Variants in RTN4RL1 observed in about 807,000 individuals in gnomAD.
RTN4RL1 encodes reticulon 4 receptor like 1, also known as reticulon-4 receptor-like 1.
Under a neutral mutation model 25.6 loss-of-function variants are expected in RTN4RL1, and 7 were observed. That is an observed-to-expected ratio of 0.27 (90% confidence interval 0.16 to 0.51). The LOEUF (loss-of-function observed/expected upper bound fraction) is 0.51. Ranked by LOEUF, RTN4RL1 falls within the 20% of genes least tolerant of loss-of-function variation. The pLI, the probability that RTN4RL1 is intolerant of heterozygous loss-of-function variation, is 0.97. For synonymous variants in RTN4RL1, 297 were observed against 288.2 expected, an observed-to-expected ratio of 1.03 and a Z score of -0.31; for missense variants, 500 against 615.6, an observed-to-expected ratio of 0.81 and a Z score of 1.99.
rs1303789919 is a variant in RTN4RL1 at position 1,935,517 on chromosome 17, G to A, written c.*979C>T. The A allele has an allele frequency of 7.1e-6, 7 of 984,816 alleles. No individual in the cohort carries two copies. In the African/African-American group the frequency reaches 1.2e-4, roughly 17 times the overall value. 61.0% of individuals were successfully genotyped at this position (984,816 alleles called of 1,614,324 possible). A position where few individuals can be genotyped will look rare whatever the true frequency, so the allele number is the denominator to read the frequency against. ...CCGTCCCGCCGACACCTTGCCCCAG[G>A]CCCTTGGCAAGGCCAGGTCCCTTGG... On this transcript the variant is annotated 3_prime_UTR_variant, in exon 2 of 2. Transcript: ENST00000331238.
At chr17:1,955,913 A>G (rs1321471301) in intron 1 of RTN4RL1, among the ~76,000 whole-genome samples, 1 of 152,174 alleles carries the variant, frequency 6.6e-6, no homozygotes, top group Non-Finnish European at 1.5e-5. Context: ...TGTGGAAAAC[A>G]TGAAAAGTAT....
chr17:1,961,773 CAAAAAAAAAAAA>C (rs1163170575), intron 1 of RTN4RL1, among the ~76,000 whole-genome samples: 3 of 55,578 alleles, frequency 5.4e-5, no homozygotes, highest in East Asian at 5.3e-4. Flanking sequence ...ACTAAAAATA[CAAAAAAAAAAAA>C]AAAAAAAAAA....
intron 1 of RTN4RL1, among the ~76,000 whole-genome samples, chr17:2,002,004 ATT>A (rs11457997): frequency 6.9e-6 from 1 of 145,822 alleles, no homozygotes. Flanking sequence ...TGCTTAAAGG[ATT>A]TTTTTTTTTT....
At chr17:1,950,028 C>T (rs952280334) in intron 1 of RTN4RL1, among the ~76,000 whole-genome samples, 5 of 152,186 alleles carry the variant, frequency 3.3e-5, no homozygotes, top group Non-Finnish European at 5.9e-5. Flanking sequence ...AGCCAGGCCT[C>T]GTATGGCCTG....
chr17:1,948,111 CAT>C lies in RTN4RL1; in HGVS notation c.14-10305_14-10304del, dbSNP rs1344689020. On this transcript the variant is annotated intron_variant, in intron 1 of 1. Transcript: ENST00000331238. ...CCCAACCCGCCGCAGAAAGACCTGA[CAT>C]ATCAGATGCCGAGAAGGGGCTTTAG... 5.3e-5 allele frequency among the ~76,000 whole-genome samples: 8 copies of C among 152,328 alleles called. No individual in the cohort carries two copies. In the East Asian group the frequency reaches 1.3e-3, roughly 26 times the overall value.
rs746529932 is a variant in RTN4RL1, at chr17:1,936,863, G to A, written c.959C>T (p.Thr320Ile). Residue 320 changes from threonine (T) to isoleucine (I), a missense_variant, in exon 2 of 2, where the codon ACC becomes ATC. Physicochemically the swap from Thr to Ile is moderately conservative, Grantham distance 89. This residue lies in a region of RTN4RL1 where 268 missense variants were observed against 274.5 expected (regional missense o/e 0.98). Transcript: ENST00000331238. ...TTCCTTGCGGGCGGCCCTGTCGGTG[G>A]TGGTGAGCGTGTGTGACTTGATCTG... ...PHQIKSHTLT[T>I]TDRAARKEHH... 1.3e-5 allele frequency: 20 copies of A among 1,593,700 alleles called. No individual in the cohort carries two copies. Among genetic ancestry groups the A allele is most frequent in the Non-Finnish European group, 1.2e-5 (14 of 1,169,786 alleles).
Position 1,998,055 on chromosome 17 carries a change from G to T in RTN4RL1, c.13+26798C>A, listed in dbSNP as rs574988827. On this transcript the variant is annotated intron_variant, in intron 1 of 1. Transcript: ENST00000331238. This position sits in a 1 kb window ranked among gnomAD's most constrained non-coding sequence, Gnocchi z 4.9. ...CACCCCCACCCCCGCCTCCGCCCCA[G>T]GCCGCGATCGATCCCGGCCTCTCCC... Among the ~76,000 whole-genome samples the T allele has an allele frequency of 1.5e-3, 224 of 152,094 alleles. No homozygotes were observed. Among genetic ancestry groups the T allele is most frequent in the African/African-American group, 5.3e-3 (221 of 41,506 alleles).
intron 1 of RTN4RL1, among the ~76,000 whole-genome samples, chr17:2,007,569 T>A (rs991427904): frequency 3.3e-5 from 5 of 152,174 alleles, no homozygotes; most frequent in Admixed American, 1.3e-4. Flanking sequence ...TGCCAGATGC[T>A]GGCTGTGGCA....
intron 1 of RTN4RL1, chr17:2,020,335 G>A (rs1317453467): frequency 1.3e-5 from 2 of 152,208 alleles, no homozygotes; most frequent in Admixed American, 6.5e-5. Flanking sequence ...CTGGGGTTAA[G>A]GGCAGCTACA....
At chr17:2,022,374 A>C (rs891118792) in intron 1 of RTN4RL1, among the ~76,000 whole-genome samples, 5 of 151,414 alleles carry the variant, frequency 3.3e-5, no homozygotes, top group Non-Finnish European at 7.4e-5. Context: ...CTGGCCTCGA[A>C]CTCCTGGTCT....
At chr17:1,943,570 G>T (rs1420751591) in intron 1 of RTN4RL1, among the ~76,000 whole-genome samples, 1 of 152,198 alleles carries the variant, frequency 6.6e-6, no homozygotes, top group East Asian at 1.9e-4. Flanking sequence ...CAGATTGGCA[G>T]ATCCTCCTCT....
chr17:1,975,223 A>G (rs2066837860), intron 1 of RTN4RL1, among the ~76,000 whole-genome samples: 1 of 152,222 alleles, frequency 6.6e-6, no homozygotes, highest in Admixed American at 6.5e-5. Context: ...TCTTATTAGC[A>G]TCTTTACCTA....
At chr17:2,001,751 C>A (rs1416715800) in intron 1 of RTN4RL1, among the ~76,000 whole-genome samples, 1 of 152,210 alleles carries the variant, frequency 6.6e-6, no homozygotes, top group East Asian at 1.9e-4. Context: ...TCTCGAGCAG[C>A]CCCTCCTCAA....
In RTN4RL1 at chr17:2,025,015, C is replaced by CTGCGGG; in HGVS notation, c.-151_-150insCCCGCA. 1 of 763,430 alleles carries CTGCGGG rather than the reference C, an allele frequency of 1.3e-6. No homozygotes were observed. The highest frequency in any genetic ancestry group is 2.0e-6 in the Non-Finnish European group (1 of 493,582). The allele number at this position is 763,430 out of a possible 1,614,324, so 47.3% of individuals were successfully genotyped here. A position where few individuals can be genotyped will look rare whatever the true frequency, so the allele number is the denominator to read the frequency against. ...CCGCTCGTGCCCGGTGGCCCGGCCCCGCAGGGGCATGGTGAGCTCCAGCCC... is the reference window on the plus strand; with the variant it reads ...CCGCTCGTGCCCGGTGGCCCGGCCCCTGCGGGGCAGGGGCATGGTGAGCTCCAGCCC... On this transcript the variant is annotated 5_prime_UTR_variant, in exon 1 of 2. Coordinates refer to ENST00000331238, the MANE Select transcript of RTN4RL1 (RefSeq NM_178568.4). This position sits in a 1 kb window ranked among gnomAD's most constrained non-coding sequence, Gnocchi z 4.8.
intron 1 of RTN4RL1, among the ~76,000 whole-genome samples, chr17:2,000,838 C>T (rs993811675): frequency 7.9e-5 from 12 of 151,802 alleles, no homozygotes; most frequent in Admixed American, 1.3e-4. Context: ...GTTCTATTAC[C>T]TACGGGTCCA....
intron 1 of RTN4RL1, among the ~76,000 whole-genome samples, chr17:1,986,060 C>T (rs1364315522): frequency 6.6e-6 from 1 of 152,014 alleles, no homozygotes; most frequent in Admixed American, 6.6e-5. Flanking sequence ...AGACACGAAC[C>T]ACCTCTCTTG....
At chr17:1,982,972 A>T (rs1379613623) in intron 1 of RTN4RL1, among the ~76,000 whole-genome samples, 1 of 151,446 alleles carries the variant, frequency 6.6e-6, no homozygotes, top group East Asian at 1.9e-4. Flanking sequence ...CAGGGCAGCA[A>T]CCCGCAAACT....
At chr17:2,006,151 G>C (rs1047872895) in intron 1 of RTN4RL1, among the ~76,000 whole-genome samples, 3 of 145,160 alleles carry the variant, frequency 2.1e-5, no homozygotes, top group Non-Finnish European at 4.5e-5. Context: ...TTTGGGGGAG[G>C]TTTGCAATTT....
rs200204199 is a variant in RTN4RL1, at chr17:1,958,034, T to TA, written c.14-20227dup. On this transcript the variant is annotated intron_variant, in intron 1 of 1. Coordinates refer to ENST00000331238, the MANE Select transcript of RTN4RL1 (RefSeq NM_178568.4). ...CTACAAAAACTAAAAAAATAAAAAA[T>TA]AAAAAAAAATTAGCCCGGCATGTCA... Among the ~76,000 whole-genome samples, 858 of 149,152 alleles carry TA rather than the reference T, an allele frequency of 5.8e-3. 8 individuals carry two copies. Among genetic ancestry groups the TA allele is most frequent in the African/African-American group, 0.02 (809 of 40,492 alleles).
Sources: gnomAD v4.1 joint callset for allele counts (sites outside exome capture counted in the v4.1 genomes callset) on GRCh38, gnomAD v4.1.1 for gene constraint, gnomAD v4.1.1 regional missense constraint, Gnocchi (gnomAD v3.1) non-coding constraint, MANE v1.5 for transcripts, NCBI Gene and HGNC (gene_info 2026-07-23, HGNC 2026-07-21) for gene names.